NRG3: variants seen among roughly 807,000 people sequenced by gnomAD.
The protein encoded by NRG3 is pro-neuregulin-3, membrane-bound isoform.
In NRG3, 31 loss-of-function variants were observed where a neutral mutation model predicts 66.9. The ratio of observed to expected loss-of-function variants is 0.46; its 90% CI spans 0.35 to 0.63. The LOEUF is 0.63. Ranked by LOEUF, NRG3 falls within the 20% of genes least tolerant of loss-of-function variation. The probability of loss-of-function intolerance (pLI) is 0.00; values close to 1 mark genes in which losing one functional copy is unlikely to be tolerated. For missense variants in NRG3, 910 were observed against 878.9 expected, an observed-to-expected ratio of 1.04 and a Z score of -0.45; for synonymous variants, 393 against 359.4, an observed-to-expected ratio of 1.09 and a Z score of -1.06.
At chr10:82,822,849 G>T (rs2062012474) in intron 3 of NRG3, among the ~76,000 whole-genome samples, 1 of 151,882 alleles carries the variant, frequency 6.6e-6, no homozygotes, top group Non-Finnish European at 1.5e-5. Flanking sequence ...CCACTAAGGG[G>T]TCTTTCCTTT....
intron 2 of NRG3, among the ~76,000 whole-genome samples, chr10:82,572,020 C>T (rs1464175762): frequency 6.6e-6 from 1 of 151,510 alleles, no homozygotes; most frequent in Non-Finnish European, 1.5e-5. Context: ...ATTTATTACA[C>T]AGTATGTGTA....
intron 4 of NRG3, among the ~76,000 whole-genome samples, chr10:82,890,458 T>C (rs1843056421): frequency 6.6e-6 from 1 of 152,156 alleles, no homozygotes; most frequent in Non-Finnish European, 1.5e-5. Context: ...AAAACTGACT[T>C]AGACTGATTT....
chr10:82,357,264 C>T (rs11193914), intron 1 of NRG3, among the ~76,000 whole-genome samples: 1 of 152,174 alleles, frequency 6.6e-6, no homozygotes, highest in South Asian at 2.1e-4. Context: ...CTGGTTTGCC[C>T]TACTGTGGAT....
intron 3 of NRG3, among the ~76,000 whole-genome samples, chr10:82,809,470 C>G (rs1472538666): frequency 6.6e-6 from 1 of 152,050 alleles, no homozygotes; most frequent in African/African-American, 2.4e-5. Flanking sequence ...GAGACAAGTC[C>G]TGTGCTCCTC....
intron 1 of NRG3, among the ~76,000 whole-genome samples, chr10:82,016,953 A>T (rs1012187552): frequency 2.0e-5 from 3 of 152,180 alleles, no homozygotes; most frequent in African/African-American, 7.2e-5. Flanking sequence ...TATTTTTTAT[A>T]CTTTAAGTTC....
At position 81,876,111 on chromosome 10, in the gene NRG3, TTCCTCCTCC is replaced by T. The variant is rs1564625430; in HGVS notation, c.772_780del (p.Ser258_Ser260del). The T allele has an allele frequency of 1.2e-6, 2 of 1,610,156 alleles. No homozygotes were observed. The highest frequency in any genetic ancestry group is 1.7e-5 in the Admixed American group (1 of 59,464). ...ATGCTGCCTCCTCTTCTTCCTCTTC[TTCCTCCTCC>T]GCTACCACCACCACACCAGAAACTA... On this transcript the variant is annotated inframe_deletion, in exon 1 of 9. Transcript: ENST00000372141.
At chr10:82,697,896 G>A (rs2055523331) in intron 2 of NRG3, among the ~76,000 whole-genome samples, 1 of 152,070 alleles carries the variant, frequency 6.6e-6, no homozygotes. Flanking sequence ...ATCAATGTGT[G>A]ATTTTTGAGG....
intron 4 of NRG3, among the ~76,000 whole-genome samples, chr10:82,884,528 G>A (rs1018537661): frequency 6.6e-6 from 1 of 152,050 alleles, no homozygotes; most frequent in African/African-American, 2.4e-5. Flanking sequence ...GCCATTGTTG[G>A]TAAGATCTCA....
At chr10:82,293,178 C>T (rs2079844569) in intron 1 of NRG3, among the ~76,000 whole-genome samples, 1 of 152,162 alleles carries the variant, frequency 6.6e-6, no homozygotes, top group Non-Finnish European at 1.5e-5. Flanking sequence ...GCTCCTCAGC[C>T]TCCGTCCCAG....
At chr10:82,388,175 A>G (rs1367061955) in intron 2 of NRG3, among the ~76,000 whole-genome samples, 2 of 125,120 alleles carry the variant, frequency 1.6e-5, no homozygotes, top group Non-Finnish European at 3.1e-5. Flanking sequence ...CTCATCAACA[A>G]GAGATTCATT....
intron 1 of NRG3, among the ~76,000 whole-genome samples, chr10:82,291,973 T>G (rs1211382810): frequency 6.6e-6 from 1 of 152,160 alleles, no homozygotes; most frequent in Non-Finnish European, 1.5e-5. Flanking sequence ...GTTGATGAAG[T>G]CTACTTTATC....
intron 1 of NRG3, among the ~76,000 whole-genome samples, chr10:82,080,699 T>G (rs991967893): frequency 1.3e-5 from 2 of 152,180 alleles, no homozygotes; most frequent in African/African-American, 4.8e-5. Context: ...TCTTTTTCTT[T>G]TTTTTGTTTT....
intron 1 of NRG3, among the ~76,000 whole-genome samples, chr10:82,299,492 C>T (rs146948922): frequency 2.0e-5 from 3 of 151,532 alleles, no homozygotes; most frequent in Non-Finnish European, 4.4e-5. Context: ...CGAGCCATAG[C>T]GAAGAGGCCA....
At position 82,627,924 on chromosome 10, in the gene NRG3, AGT is replaced by A. The variant is rs150228232; in HGVS notation, c.954-110651_954-110650del. On this transcript the variant is annotated intron_variant, in intron 2 of 8. Transcript: ENST00000372141. ...TACCAGTTCTAGGCAGTACAATCTC[AGT>A]GCTTTTCCGGAATTGCCTCATTTAA... 3.7e-3 allele frequency among the ~76,000 whole-genome samples: 569 copies of A among 152,310 alleles called. 2 individuals carry two copies. The highest frequency in any genetic ancestry group is 0.013 in the African/African-American group (521 of 41,580).
In NRG3 at chr10:82,421,168, G is replaced by A. The variant is rs767550019; in HGVS notation, c.953+62300G>A. Among the ~76,000 whole-genome samples the A allele has an allele frequency of 3.6e-4, 55 of 152,036 alleles. 1 individual carries two copies. Among genetic ancestry groups the A allele is most frequent in the Non-Finnish European group, 1.0e-4 (7 of 67,978 alleles). On this transcript the variant is annotated intron_variant, in intron 2 of 8. Coordinates refer to ENST00000372141, the MANE Select transcript of NRG3 (RefSeq NM_001010848.4). ...ATATCTATGAGTGAACCTTCACTAG[G>A]CAAATAAAATAAATAAGTATTAACA...
At position 82,219,853 on chromosome 10, in the gene NRG3, A is replaced by G. The variant is rs554565689; in HGVS notation, c.824-138886A>G. On this transcript the variant is annotated intron_variant, in intron 1 of 8. Coordinates refer to ENST00000372141, the MANE Select transcript of NRG3 (RefSeq NM_001010848.4). ...GTATTTCCTGGCAAATTTCACCTCA[A>G]TGCTGCAAATCCATTGAAAAAGGGA... 9.9e-5 allele frequency among the ~76,000 whole-genome samples: 15 copies of G among 152,150 alleles called. No homozygotes were observed. The East Asian group carries it at 2.3e-3, about 24-fold the overall frequency.
intron 1 of NRG3, among the ~76,000 whole-genome samples, chr10:81,960,138 T>G (rs1001012154): frequency 6.6e-6 from 1 of 152,220 alleles, no homozygotes; most frequent in African/African-American, 2.4e-5. Flanking sequence ...TTCACAATCC[T>G]TCTTCACATT....
intron 4 of NRG3, among the ~76,000 whole-genome samples, chr10:82,873,075 A>T (rs1420852106): frequency 1.3e-5 from 2 of 152,146 alleles, no homozygotes; most frequent in African/African-American, 4.8e-5. Context: ...AATGTCTGTA[A>T]AACTGTCAAC....
chr10:82,527,991 G>A (rs564191123), intron 2 of NRG3, among the ~76,000 whole-genome samples: 1 of 152,200 alleles, frequency 6.6e-6, no homozygotes, highest in East Asian at 1.9e-4. Context: ...TGGATGTTTT[G>A]CAGCATCTCT....
Sources: gnomAD v4.1 joint callset for allele counts (sites outside exome capture counted in the v4.1 genomes callset) on GRCh38, gnomAD v4.1.1 for gene constraint, MANE v1.5 for transcripts, NCBI Gene and HGNC (gene_info 2026-07-23, HGNC 2026-07-21) for gene names.